Variants in ADAMTS12 observed in about 807,000 individuals in gnomAD.
ADAMTS12 encodes the protein A disintegrin and metalloproteinase with thrombospondin motifs 12.
Under a neutral mutation model 167.8 loss-of-function variants are expected in ADAMTS12, and 118 were observed. The ratio of observed to expected loss-of-function variants is 0.70; its 90% CI spans 0.61 to 0.82. The LOEUF (loss-of-function observed/expected upper bound fraction) is 0.82, where lower values mean the gene tolerates loss of function less well. ADAMTS12 is among the 40% of genes least tolerant of loss of function. The pLI, the probability that ADAMTS12 is intolerant of heterozygous loss-of-function variation, is 0.00. For synonymous variants in ADAMTS12, 704 were observed against 716.9 expected (o/e 0.98, Z 0.29); for missense variants, 1,916 against 1,998.8 (o/e 0.96, Z 0.79).
intron 7 of ADAMTS12, among the ~76,000 whole-genome samples, chr5:33,652,700 G>C (rs1013091616): frequency 2.0e-5 from 3 of 151,906 alleles, no homozygotes. Context: ...TAAATTCTTT[G>C]CCTGGACCAA....
At chr5:33,680,203 C>T (rs1413237752) in intron 5 of ADAMTS12, among the ~76,000 whole-genome samples, 1 of 152,168 alleles carries the variant, frequency 6.6e-6, no homozygotes, top group Non-Finnish European at 1.5e-5. Context: ...TTTACATTTG[C>T]AAAACCAGGT....
At chr5:33,746,270 A>G (rs147050227) in intron 3 of ADAMTS12, among the ~76,000 whole-genome samples, 2 of 152,340 alleles carry the variant, frequency 1.3e-5, no homozygotes, top group East Asian at 3.9e-4. Flanking sequence ...GTCACTTAGA[A>G]TCTTCAACTC....
At position 33,557,411 on chromosome 5, in the gene ADAMTS12, G is replaced by A. The variant is rs143810368; in HGVS notation, c.4125+3616C>T. ...GGATTTTGAAGGTCTGCCACAAAGA[G>A]AGCATAAAAGGCCTATCAGAATTAG... is the stretch of plus-strand genomic sequence containing the variant. On this transcript the variant is annotated intron_variant, in intron 20 of 23. Transcript: ENST00000504830. Among the ~76,000 whole-genome samples, 326 of 152,312 alleles carry A rather than the reference G, an allele frequency of 2.1e-3. 1 individual carries two copies. Among genetic ancestry groups the A allele is most frequent in the African/African-American group, 7.5e-3 (313 of 41,568 alleles).
chr5:33,570,504 T>C (rs1175294340), intron 19 of ADAMTS12, among the ~76,000 whole-genome samples: 33 of 152,204 alleles, frequency 2.2e-4, no homozygotes, highest in African/African-American at 7.9e-4. Flanking sequence ...CTAAGCTTCA[T>C]AAGTAAAGGA....
At chr5:33,628,162 T>C (rs115456236) in intron 13 of ADAMTS12, among the ~76,000 whole-genome samples, 1 of 152,192 alleles carries the variant, frequency 6.6e-6, no homozygotes, top group African/African-American at 2.4e-5. Context: ...TTATGCTGAC[T>C]GTGTGAAGAC....
chr5:33,683,194 A>G lies in ADAMTS12; in HGVS notation c.832-93T>C, dbSNP rs370859911. The G allele has an allele frequency of 1.1e-4, 113 of 990,198 alleles. No homozygotes were observed. The African/African-American group carries it at 1.7e-3, about 15-fold the overall frequency. 61.3% of individuals were successfully genotyped at this position (990,198 alleles called of 1,614,324 possible). ...ATAGCATTGTAATGCACATAAAATA[A>G]AGGTTTTCTTATAGGTCAGAAATGT... On this transcript the variant is annotated intron_variant, in intron 4 of 23. Transcript: ENST00000504830.
intron 16 of ADAMTS12, among the ~76,000 whole-genome samples, chr5:33,611,368 T>G (rs909388408): frequency 2.0e-5 from 3 of 151,932 alleles, no homozygotes; most frequent in African/African-American, 7.3e-5. Flanking sequence ...ATAGTAAAGA[T>G]TGAAACAAAA....
chr5:33,632,744 G>A (rs963917448), intron 12 of ADAMTS12, among the ~76,000 whole-genome samples: 6 of 152,166 alleles, frequency 3.9e-5, no homozygotes, highest in African/African-American at 1.2e-4. Context: ...ATTTTATTAA[G>A]ACTTTGGTTT....
In ADAMTS12 at chr5:33,766,010, T is replaced by C. The variant is rs1240162260; in HGVS notation, c.490-14462A>G. ...TCTTCGGTTGTTCTGCCTATACTTC[T>C]TAAGTCTGTAAGTACTAAGTCTACA... On this transcript the variant is annotated intron_variant, in intron 2 of 23. Transcript: ENST00000504830. Among the ~76,000 whole-genome samples the C allele has an allele frequency of 2.0e-5, 3 of 152,178 alleles. 1 individual carries two copies. Among genetic ancestry groups the C allele is most frequent in the Admixed American group, 2.0e-4 (3 of 15,276 alleles).
intron 2 of ADAMTS12, among the ~76,000 whole-genome samples, chr5:33,858,394 C>T (rs535073748): frequency 1.6e-4 from 24 of 152,310 alleles, no homozygotes; most frequent in African/African-American, 4.6e-4. Context: ...TGCTGGCTCA[C>T]GCCTATAATC....
intron 16 of ADAMTS12, among the ~76,000 whole-genome samples, chr5:33,611,760 T>C (rs1262049929): frequency 1.3e-5 from 2 of 152,196 alleles, no homozygotes; most frequent in Non-Finnish European, 2.9e-5. Flanking sequence ...ATCCTTAAAA[T>C]TGATAGCTAT....
chr5:33,560,753 C>T (rs1745701640), intron 20 of ADAMTS12, among the ~76,000 whole-genome samples: 1 of 124,150 alleles, frequency 8.1e-6, no homozygotes, highest in Admixed American at 1.0e-4. Context: ...GGGAACATCA[C>T]ACACCGGGGC....
At chr5:33,741,234 G>A (rs965209032) in intron 3 of ADAMTS12, among the ~76,000 whole-genome samples, 4 of 152,134 alleles carry the variant, frequency 2.6e-5, no homozygotes, top group African/African-American at 4.8e-5. Context: ...ACAGACTGGC[G>A]GCCCAAACCA....
At chr5:33,804,794 T>C (rs1393360657) in intron 2 of ADAMTS12, among the ~76,000 whole-genome samples, 1 of 152,162 alleles carries the variant, frequency 6.6e-6, no homozygotes, top group African/African-American at 2.4e-5. Context: ...CCTGATCCGC[T>C]CACCATCCCC....
At chr5:33,590,935 GTCCAGGGC>G (rs1747603428) in intron 17 of ADAMTS12, among the ~76,000 whole-genome samples, 1 of 148,148 alleles carries the variant, frequency 6.8e-6, no homozygotes, top group Admixed American at 6.8e-5. Context: ...GGTCTTCCAG[GTCCAGGGC>G]TCAGGAGCCA....
chr5:33,716,616 G>A (rs1338700281), intron 3 of ADAMTS12, among the ~76,000 whole-genome samples: 1 of 151,998 alleles, frequency 6.6e-6, no homozygotes, highest in Non-Finnish European at 1.5e-5. Context: ...ATTAAAACCT[G>A]ACACATATTC....
At chr5:33,765,372 A>C (rs926485854) in intron 2 of ADAMTS12, among the ~76,000 whole-genome samples, 2 of 152,294 alleles carry the variant, frequency 1.3e-5, no homozygotes, top group African/African-American at 4.8e-5. Context: ...TCCATGTTTG[A>C]ATTTCTCAAA....
chr5:33,610,199 C>T (rs756683225), intron 16 of ADAMTS12, among the ~76,000 whole-genome samples: 11 of 151,514 alleles, frequency 7.3e-5, no homozygotes, highest in Non-Finnish European at 1.3e-4. Context: ...CGAACAACAA[C>T]AGCAACAACA....
At chr5:33,678,423 T>A (rs1185487927) in intron 5 of ADAMTS12, among the ~76,000 whole-genome samples, 1 of 152,230 alleles carries the variant, frequency 6.6e-6, no homozygotes, top group Non-Finnish European at 1.5e-5. Context: ...ATCGATTAAA[T>A]AGATCTAAGA....
Sources: allele counts gnomAD v4.1 joint callset (sites outside exome capture counted in the v4.1 genomes callset), GRCh38; gene constraint gnomAD v4.1.1; transcripts MANE v1.5; gene names NCBI Gene and HGNC (gene_info 2026-07-23, HGNC 2026-07-21).